The following PLCB2 variants were observed in gnomAD, a reference collection of about 807,000 sequenced individuals.
PLCB2 encodes phospholipase C beta 2.
PLCB2 carries 115 observed loss-of-function variants against 141.7 expected under a neutral mutation model. The ratio of observed to expected loss-of-function variants is 0.81; its 90% confidence interval spans 0.70 to 0.95. The LOEUF is 0.95. Among genes scored for constraint, PLCB2 ranks in the 40% least tolerant of loss-of-function variants. PLCB2 has a pLI of 0.00. For synonymous variants in PLCB2, 603 were observed against 595.6 expected (o/e 1.01, Z -0.18); for missense variants, 1,403 against 1,541.1 (o/e 0.91, Z 1.50).
intron 7 of PLCB2, chr15:40,301,710 G>C (rs2040518660): frequency 2.8e-6 from 2 of 704,274 alleles, no homozygotes; most frequent in Non-Finnish European, 5.2e-6. Context: ...CACAGCCCCA[G>C]CGCCCCCACC....
At chr15:40,304,170 A>G in intron 1 of PLCB2, 92 bp from the exon 2 acceptor site, 1 of 803,300 alleles carries the variant, frequency 1.2e-6, no homozygotes, top group Non-Finnish European at 2.1e-6. Flanking sequence ...TTATCTTCCC[A>G]GGAGGTGCCC....
intron 30 of PLCB2, 30 bp from the exon 31 acceptor site, chr15:40,289,388 G>C (rs762255809): frequency 6.6e-7 from 1 of 1,525,484 alleles, no homozygotes; most frequent in Non-Finnish European, 9.1e-7. Context: ...AGAGAATCAG[G>C]ACAACACAGA....
In PLCB2 at chr15:40,288,429, T is replaced by C. The variant is rs2039666649; in HGVS notation, c.*286A>G. ...ATCCCACTTTCTGCCTTCCAGTCCA[T>C]AGTCTTTTGCCCTCAACAAATATAT... is the stretch of plus-strand genomic sequence containing the variant. On this transcript the variant is annotated 3_prime_UTR_variant, in exon 32 of 32. Transcript: ENST00000260402. The C allele has an allele frequency of 8.6e-7, 1 of 1,165,260 alleles. No individual in the cohort carries two copies. The highest frequency in any genetic ancestry group is 1.6e-5 in the African/African-American group (1 of 63,330). The allele number at this position is 1,165,260 out of a possible 1,614,324, so 72.2% of individuals were successfully genotyped here.
rs2039986427 is a variant in PLCB2, at chr15:40,292,374, A to G, written c.2396T>C (p.Leu799Pro). 1.2e-6 allele frequency: 2 copies of G among 1,613,328 alleles called. No individual in the cohort carries two copies. Among genetic ancestry groups the G allele is most frequent in the East Asian group, 2.2e-5 (1 of 44,872 alleles). Residue 799 changes from leucine (L) to proline (P), a missense_variant, in exon 22 of 32, where the codon CTG (leucine) becomes CCG (proline). Leu to Pro is a moderately conservative substitution (Grantham distance 98). Around this residue, in one of 4 missense-constraint regions of PLCB2, gnomAD observed 975 missense variants for 1,141.1 expected, o/e 0.85. Coordinates refer to ENST00000260402, the MANE Select transcript of PLCB2 (RefSeq NM_004573.3). ...ACCAGGTATGTAGTCCTTCATCTCCAGGAAGATGAAGAGCGCAGGCATGGT... is the reference window on the plus strand; with the variant it reads ...ACCAGGTATGTAGTCCTTCATCTCCGGGAAGATGAAGAGCGCAGGCATGGT... Reference protein sequence around the residue: ...PLTMPALFIFLEMKDYIPGAW... With the variant: ...PLTMPALFIFPEMKDYIPGAW...
At chr15:40,298,748 G>A (rs1156240116) in intron 9 of PLCB2, 40 bp from the exon 10 acceptor site, 2 of 1,612,010 alleles carry the variant, frequency 1.2e-6, no homozygotes, top group African/African-American at 2.7e-5. Flanking sequence ...CAACCCCGCT[G>A]CCAAGGCAGG....
rs778737265 is a variant in PLCB2, at chr15:40,295,071, G to C, written c.1782-11C>G. 2 of 1,611,258 alleles carry C rather than the reference G, an allele frequency of 1.2e-6. No individual in the cohort carries two copies. Among genetic ancestry groups the C allele is most frequent in the Non-Finnish European group, 1.7e-6 (2 of 1,177,986 alleles). On this transcript the variant is annotated splice_polypyrimidine_tract_variant and intron_variant, in intron 17 of 31. Coordinates refer to ENST00000260402, the MANE Select transcript of PLCB2 (RefSeq NM_004573.3). ...TGGCGCTTGTTGTAGCTGTCCCTGA[G>C]TTTAGGACCCTAGCCAAGGCCATCT... is the stretch of plus-strand genomic sequence containing the variant.
At chr15:40,290,460 TGGAGAGCCAGG>T in intron 29 of PLCB2, 106 bp downstream of exon 29, 1 of 794,810 alleles carries the variant, frequency 1.3e-6, no homozygotes, top group South Asian at 1.5e-5. Context: ...ATCCGCTTTT[TGGAGAGCCAGG>T]GGACAGATGC....
At chr15:40,295,759 G>A (rs1029668737) in intron 16 of PLCB2, among the ~76,000 whole-genome samples, 1 of 152,148 alleles carries the variant, frequency 6.6e-6, no homozygotes, top group Non-Finnish European at 1.5e-5. Context: ...GTTCAGGGAT[G>A]AGAAGTTAGT....
At position 40,290,755 on chromosome 15, in the gene PLCB2, T is replaced by C. The variant is rs766466844; in HGVS notation, c.3113+6A>G. 7.4e-6 allele frequency: 12 copies of C among 1,613,310 alleles called. No individual in the cohort carries two copies. The East Asian group carries it at 2.7e-4, about 36-fold the overall frequency. ...CGAAGCAGGTGTGGGAGGGAGGCAG[T>C]CGTACTTCTCCGACGTCTCCTTCAG... On this transcript the variant is annotated splice_donor_region_variant and intron_variant, in intron 28 of 31. Transcript: ENST00000260402.
At position 40,291,056 on chromosome 15, in the gene PLCB2, C is replaced by G. The variant is rs750535312; in HGVS notation, c.2998G>C (p.Glu1000Gln). 3.1e-6 allele frequency: 5 copies of G among 1,592,960 alleles called. No individual in the cohort carries two copies. The highest frequency in any genetic ancestry group is 2.3e-5 in the East Asian group (1 of 44,352). Residue 1000 changes from glutamate (E) to glutamine (Q), a missense_variant, in exon 27 of 32, where the codon GAG becomes CAG. Glu to Gln is a conservative substitution (Grantham distance 29). Around this residue, in one of 4 missense-constraint regions of PLCB2, gnomAD observed 290 missense variants for 245.9 expected, o/e 1.18. Coordinates refer to ENST00000260402, the MANE Select transcript of PLCB2 (RefSeq NM_004573.3). ...ELLRQGEEQY[E>Q]CVLKRKEQHV... ...TGCTCCTTGCGCTTCAGAACGCACT[C>G]GTACTGCTCCTCGCCCTGCCGCAGC...
intron 7 of PLCB2, chr15:40,301,660 A>C: frequency 1.4e-6 from 1 of 703,036 alleles, no homozygotes; most frequent in Non-Finnish European, 2.6e-6. Context: ...CTGGGAATGC[A>C]TGCCGTTTCT....
chr15:40,293,713 C>G lies in PLCB2; in HGVS notation c.2073G>C (p.Gly691=), dbSNP rs1027387485. 2 of 1,608,742 alleles carry G rather than the reference C, an allele frequency of 1.2e-6. No homozygotes were observed. The highest frequency in any genetic ancestry group is 1.7e-6 in the Non-Finnish European group (2 of 1,175,682). Residue 691 remains glycine, a synonymous_variant, in exon 20 of 32, where the codon GGG becomes GGC. Coordinates refer to ENST00000260402, the MANE Select transcript of PLCB2 (RefSeq NM_004573.3). ...ATTLSITVIS[G]QFLSERSVRT... Reference sequence around the variant, plus strand: ...GCACGCTGCGTTCTGACAGGAACTGCCCAGAGATCACCTGGGGGTAGGGGC... The same window carrying G: ...GCACGCTGCGTTCTGACAGGAACTGGCCAGAGATCACCTGGGGGTAGGGGC...
Position 40,297,873 on chromosome 15 carries a change from G to C in PLCB2, c.1238+4C>G, listed in dbSNP as rs763482704. ...AATGTGGCTGAATGGGCCTGGATAC[G>C]CACGAGTCCACATGGTTCTCAAACG... On this transcript the variant is annotated splice_donor_region_variant and intron_variant, in intron 12 of 31. Coordinates refer to ENST00000260402, the MANE Select transcript of PLCB2 (RefSeq NM_004573.3). The surrounding 1 kb of genome is among the most constrained non-coding windows in gnomAD (Gnocchi z 4.2). 1 of 1,610,286 alleles carries C rather than the reference G, an allele frequency of 6.2e-7. No homozygotes were observed. The highest frequency in any genetic ancestry group is 2.2e-5 in the East Asian group (1 of 44,862).
At chr15:40,302,114 G>A in intron 6 of PLCB2, 22 bp downstream of exon 6, 2 of 1,612,836 alleles carry the variant, frequency 1.2e-6, no homozygotes, top group Non-Finnish European at 1.7e-6. Flanking sequence ...CTGGAAGCCT[G>A]GGGAGGGGTT....
At position 40,297,685 on chromosome 15, in the gene PLCB2, C is replaced by G; in HGVS notation, c.1239-80G>C. On this transcript the variant is annotated intron_variant, in intron 12 of 31. Transcript: ENST00000260402. The surrounding 1 kb of genome is among the most constrained non-coding windows in gnomAD (Gnocchi z 4.2). ...TGCATCCTTTTGTGCCCTTGATGAC[C>G]CAGATCAGGGGCCAGGAGGTCAGGG... The G allele has an allele frequency of 1.6e-6, 2 of 1,247,632 alleles. No individual in the cohort carries two copies. The highest frequency in any genetic ancestry group is 2.3e-6 in the Non-Finnish European group (2 of 860,372). 77.3% of individuals were successfully genotyped at this position (1,247,632 alleles called of 1,614,324 possible). A position where few individuals can be genotyped will look rare whatever the true frequency, so the allele number is the denominator to read the frequency against.
rs1455937708 is a variant in PLCB2, at chr15:40,290,686, G to C, written c.3114-14C>G. On this transcript the variant is annotated splice_polypyrimidine_tract_variant and intron_variant, in intron 28 of 31. Coordinates refer to ENST00000260402, the MANE Select transcript of PLCB2 (RefSeq NM_004573.3). The stretch of plus-strand genomic sequence containing the variant: ...TCTTTGGTGTCGCTGCAGAGAGACA[G>C]GCATGAAGGAGCTGTTTTGTGCGGC... 6.2e-7 allele frequency: 1 copy of C among 1,612,346 alleles called. No individual in the cohort carries two copies. Among genetic ancestry groups the C allele is most frequent in the Admixed American group, 1.7e-5 (1 of 60,014 alleles).
Position 40,297,610 on chromosome 15 carries a change from G to A in PLCB2, c.1239-5C>T, listed in dbSNP as rs765476483. The A allele has an allele frequency of 3.2e-5, 52 of 1,612,702 alleles. No individual in the cohort carries two copies. The highest frequency in any genetic ancestry group is 6.7e-5 in the Admixed American group (4 of 59,978). ...ATCTTAGCCTGCTGGCGGGGTCTGCGGGGAGCAAAAGCGGGGATGGGGTTC... is the reference window on the plus strand; with the variant it reads ...ATCTTAGCCTGCTGGCGGGGTCTGCAGGGAGCAAAAGCGGGGATGGGGTTC... On this transcript the variant is annotated splice_polypyrimidine_tract_variant and splice_region_variant and intron_variant, in intron 12 of 31. Transcript: ENST00000260402. This position sits in a 1 kb window ranked among gnomAD's most constrained non-coding sequence, Gnocchi z 4.2.
intron 17 of PLCB2, 57 bp from the exon 18 acceptor site, chr15:40,295,117 C>T: frequency 3.7e-6 from 6 of 1,610,590 alleles, no homozygotes; most frequent in Middle Eastern, 1.7e-4. Flanking sequence ...AACCTAACAG[C>T]TTACCCTGGG....
chr15:40,292,722 C>T (rs75295219), intron 21 of PLCB2, among the ~76,000 whole-genome samples: 1,831 of 152,268 alleles, frequency 0.012, 29 homozygotes, highest in Non-Finnish European at 0.018. Flanking sequence ...CTGCCCCAGC[C>T]GTTTCAGAAA....
Sources: gnomAD v4.1 joint callset for allele counts (sites outside exome capture counted in the v4.1 genomes callset) on GRCh38, gnomAD v4.1.1 for gene constraint, gnomAD v4.1.1 regional missense constraint, Gnocchi (gnomAD v3.1) non-coding constraint, MANE v1.5 for transcripts, NCBI Gene and HGNC (gene_info 2026-07-23, HGNC 2026-07-21) for gene names.